SEMA3E: variants seen among roughly 807,000 people sequenced by gnomAD.
The protein encoded by SEMA3E is semaphorin 3E.
SEMA3E carries 49 observed loss-of-function variants against 93.6 expected under a neutral mutation model. The ratio of observed to expected loss-of-function variants is 0.52; its 90% CI spans 0.42 to 0.66. The LOEUF is 0.66. SEMA3E is among the 30% of genes least tolerant of loss of function. The probability of loss-of-function intolerance (pLI) is 0.00; values close to 1 mark genes in which losing one functional copy is unlikely to be tolerated. For synonymous variants in SEMA3E, 363 were observed against 330.7 expected (o/e 1.10, Z -1.06); for missense variants, 906 against 964.8 (o/e 0.94, Z 0.81).
intron 1 of SEMA3E, among the ~76,000 whole-genome samples, chr7:83,562,233 A>G (rs1778463036): frequency 6.6e-6 from 1 of 152,114 alleles, no homozygotes; most frequent in Non-Finnish European, 1.5e-5. Flanking sequence ...TTGGTTACAG[A>G]GATACTTTTG....
At chr7:83,397,158 C>G (rs1172728629) in intron 11 of SEMA3E, among the ~76,000 whole-genome samples, 1 of 151,418 alleles carries the variant, frequency 6.6e-6, no homozygotes, top group African/African-American at 2.4e-5. Context: ...TAATCACTGT[C>G]AGTTTAAAAT....
chr7:83,421,120 C>G (rs1201812661), intron 4 of SEMA3E, among the ~76,000 whole-genome samples: 1 of 141,942 alleles, frequency 7.0e-6, no homozygotes, highest in Non-Finnish European at 1.6e-5. Flanking sequence ...AAAAGTATTA[C>G]TGATTTTTTT....
chr7:83,452,382 T>A, intron 4 of SEMA3E, among the ~76,000 whole-genome samples: 1 of 152,284 alleles, frequency 6.6e-6, no homozygotes, highest in East Asian at 1.9e-4. Context: ...AGTTCTTTAA[T>A]TAGTTACAGA....
intron 4 of SEMA3E, among the ~76,000 whole-genome samples, chr7:83,433,253 G>A (rs566170665): frequency 6.6e-5 from 10 of 152,126 alleles, no homozygotes; most frequent in East Asian, 3.9e-4. Flanking sequence ...AAGAAAGAAC[G>A]TTAAAATGTA....
chr7:83,399,717 C>T (rs953886701), intron 11 of SEMA3E, among the ~76,000 whole-genome samples: 18 of 152,196 alleles, frequency 1.2e-4, no homozygotes, highest in African/African-American at 4.3e-4. Context: ...GAATTTTGTG[C>T]TATGCAAGCC....
chr7:83,418,607 G>T, intron 4 of SEMA3E, 124 bp from the exon 5 acceptor site: 2 of 743,636 alleles, frequency 2.7e-6, no homozygotes, highest in Non-Finnish European at 4.8e-6. Context: ...AGCACCAGTA[G>T]CATCAATTTA....
chr7:83,608,352 T>C (rs1227335759), intron 1 of SEMA3E, among the ~76,000 whole-genome samples: 2 of 152,186 alleles, frequency 1.3e-5, no homozygotes, highest in Non-Finnish European at 2.9e-5. Context: ...CCTATTACTG[T>C]ATTATTTTTT....
At chr7:83,458,250 T>C (rs1182536772) in intron 4 of SEMA3E, among the ~76,000 whole-genome samples, 1 of 151,698 alleles carries the variant, frequency 6.6e-6, no homozygotes, top group Non-Finnish European at 1.5e-5. Context: ...GTGTATGAAG[T>C]GGAAGTACAC....
intron 1 of SEMA3E, among the ~76,000 whole-genome samples, chr7:83,507,440 G>A (rs1270327936): frequency 8.4e-6 from 1 of 118,672 alleles, no homozygotes. Context: ...GTGTGTGTGT[G>A]TGTGTGTGTG....
intron 12 of SEMA3E, 125 bp from the exon 13 acceptor site, chr7:83,394,463 T>G: frequency 2.6e-6 from 2 of 758,998 alleles, no homozygotes; most frequent in South Asian, 1.8e-5. Flanking sequence ...CTGTATAGCT[T>G]TCATTTTAGT....
At chr7:83,501,405 T>C (rs1263615047) in intron 1 of SEMA3E, among the ~76,000 whole-genome samples, 3 of 152,204 alleles carry the variant, frequency 2.0e-5, no homozygotes, top group Non-Finnish European at 4.4e-5. Context: ...CTACGATCTG[T>C]ATTTTTAACT....
intron 1 of SEMA3E, among the ~76,000 whole-genome samples, chr7:83,643,603 A>C (rs1794042069): frequency 6.6e-6 from 1 of 151,982 alleles, no homozygotes; most frequent in Non-Finnish European, 1.5e-5. Context: ...CACTGATGTG[A>C]TACATGGACA....
At chr7:83,459,423 C>T (rs1422073199) in intron 4 of SEMA3E, among the ~76,000 whole-genome samples, 1 of 152,120 alleles carries the variant, frequency 6.6e-6, no homozygotes, top group Non-Finnish European at 1.5e-5. Context: ...AGCAGATTTG[C>T]ATCACAAGAG....
At chr7:83,503,819 A>G (rs1458923825) in intron 1 of SEMA3E, among the ~76,000 whole-genome samples, 2 of 152,182 alleles carry the variant, frequency 1.3e-5, no homozygotes, top group East Asian at 3.8e-4. Flanking sequence ...TCTGCCACTG[A>G]CCTAAATGTT....
At chr7:83,431,707 G>A (rs1788887294) in intron 4 of SEMA3E, among the ~76,000 whole-genome samples, 1 of 152,174 alleles carries the variant, frequency 6.6e-6, no homozygotes, top group African/African-American at 2.4e-5. Context: ...ATTGTACCCA[G>A]CCCAAGCAAG....
chr7:83,547,300 C>T (rs1054176724), intron 1 of SEMA3E, among the ~76,000 whole-genome samples: 1 of 152,034 alleles, frequency 6.6e-6, no homozygotes, highest in African/African-American at 2.4e-5. Flanking sequence ...TATTATTCAC[C>T]CATAAATACC....
chr7:83,501,613 C>T (rs937958041), intron 1 of SEMA3E, among the ~76,000 whole-genome samples: 1 of 152,144 alleles, frequency 6.6e-6, no homozygotes, highest in African/African-American at 2.4e-5. Flanking sequence ...CCACCACACC[C>T]AGCTAATTTT....
intron 4 of SEMA3E, among the ~76,000 whole-genome samples, chr7:83,427,683 C>T (rs1788799746): frequency 1.3e-5 from 2 of 152,106 alleles, no homozygotes; most frequent in African/African-American, 4.8e-5. Context: ...TCATGTAGTG[C>T]ACAACCCAAT....
intron 1 of SEMA3E, among the ~76,000 whole-genome samples, chr7:83,507,665 C>T (rs573679168): frequency 1.5e-4 from 23 of 151,844 alleles, no homozygotes; most frequent in Middle Eastern, 3.4e-3. Flanking sequence ...GGCCAGGTCG[C>T]GGTGGCTCAC....
Sources: gnomAD v4.1 joint callset for allele counts (sites outside exome capture counted in the v4.1 genomes callset) on GRCh38, gnomAD v4.1.1 for gene constraint, MANE v1.5 for transcripts, NCBI Gene and HGNC (gene_info 2026-07-23, HGNC 2026-07-21) for gene names.